Variants in PLCG2 observed in about 807,000 individuals in gnomAD.
PLCG2 encodes the protein phospholipase C gamma 2.
In PLCG2, 69 loss-of-function variants were observed where a neutral mutation model predicts 175.6. That is an observed-to-expected ratio of 0.39 (90% confidence interval 0.32 to 0.48). The LOEUF is 0.48. PLCG2 is among the 20% of genes least tolerant of loss of function. PLCG2 has a pLI of 0.91. For synonymous variants in PLCG2, 827 were observed against 624.0 expected (o/e 1.33, Z -4.85); for missense variants, 1,798 against 1,650.9 (o/e 1.09, Z -1.54).
Position 81,946,212 on chromosome 16 carries a change from G to A in PLCG2, c.3519G>A (p.Glu1173=). The A allele has an allele frequency of 6.2e-7, 1 of 1,613,984 alleles. No homozygotes were observed. Among genetic ancestry groups the A allele is most frequent in the Non-Finnish European group, 8.5e-7 (1 of 1,179,848 alleles). ...RSVPLKNGYS[E]DIELASLLVF... ...TTCCTCTGAAGAATGGGTACAGCGA[G>A]GACATAGAGCTGGCTTCCCTCCTGG... Residue 1173 remains glutamate, a synonymous_variant, in exon 31 of 33, where the codon GAG becomes GAA. Coordinates refer to ENST00000564138, the MANE Select transcript of PLCG2 (RefSeq NM_002661.5).
At position 81,858,255 on chromosome 16, in the gene PLCG2, C is replaced by T; in HGVS notation, c.338-8C>T. On this transcript the variant is annotated splice_polypyrimidine_tract_variant and splice_region_variant and intron_variant, in intron 3 of 32. Coordinates refer to ENST00000564138, the MANE Select transcript of PLCG2 (RefSeq NM_002661.5). ...ACACAGCATTTCTGTTCCCTTTCTC[C>T]ACTCCAGCTGACTCTAAAGAGGATG... The T allele has an allele frequency of 6.3e-7, 1 of 1,597,760 alleles. No homozygotes were observed. The highest frequency in any genetic ancestry group is 8.6e-7 in the Non-Finnish European group (1 of 1,165,096).
intron 13 of PLCG2, among the ~76,000 whole-genome samples, chr16:81,896,513 G>C (rs1908898017): frequency 6.6e-6 from 1 of 152,066 alleles, no homozygotes; most frequent in Non-Finnish European, 1.5e-5. Context: ...GGCAGGCAGA[G>C]GTTACAGTGA....
chr16:81,755,463 C>T (rs1392996509), intron 1 of PLCG2, among the ~76,000 whole-genome samples: 3 of 151,770 alleles, frequency 2.0e-5, no homozygotes, highest in Non-Finnish European at 4.4e-5. Flanking sequence ...ACCTCGGCCT[C>T]CCAAAGTGCT....
At chr16:81,833,881 G>A (rs1373861619) in intron 2 of PLCG2, among the ~76,000 whole-genome samples, 3 of 152,152 alleles carry the variant, frequency 2.0e-5, no homozygotes, top group Admixed American at 6.6e-5. Flanking sequence ...TGCCTTTGGC[G>A]ATGGGAGTGC....
intron 2 of PLCG2, among the ~76,000 whole-genome samples, chr16:81,818,532 A>G (rs1904651708): frequency 6.6e-6 from 1 of 152,058 alleles, no homozygotes; most frequent in Non-Finnish European, 1.5e-5. Flanking sequence ...CATCGGCTGC[A>G]CGGAAATGGA....
intron 31 of PLCG2, among the ~76,000 whole-genome samples, chr16:81,955,142 C>T (rs1911517564): frequency 6.6e-6 from 1 of 152,222 alleles, no homozygotes; most frequent in African/African-American, 2.4e-5. Context: ...CCTCTGCTTA[C>T]TCTTCAACCT....
intron 2 of PLCG2, among the ~76,000 whole-genome samples, chr16:81,759,411 A>G (rs1289276828): frequency 6.6e-6 from 1 of 152,202 alleles, no homozygotes; most frequent in African/African-American, 2.4e-5. Context: ...AAATATATTT[A>G]CTTATGTTAT....
intron 5 of PLCG2, among the ~76,000 whole-genome samples, chr16:81,866,798 C>T (rs1198474441): frequency 6.6e-6 from 1 of 152,242 alleles, no homozygotes; most frequent in Non-Finnish European, 1.5e-5. Context: ...TGGCTCCTCT[C>T]CCCACGACCC....
intron 2 of PLCG2, among the ~76,000 whole-genome samples, chr16:81,839,139 G>A (rs1196270752): frequency 6.6e-6 from 1 of 152,036 alleles, no homozygotes; most frequent in Non-Finnish European, 1.5e-5. Context: ...GAGTGTTACT[G>A]GTTTTCTTTT....
intron 27 of PLCG2, 86 bp from the exon 28 acceptor site, chr16:81,937,672 A>C: frequency 8.4e-7 from 1 of 1,184,970 alleles, no homozygotes; most frequent in East Asian, 2.4e-5. Flanking sequence ...GAAAAGGTGA[A>C]ATTCATTCCC....
chr16:81,776,775 G>C (rs1011165763), upstream of PLCG2, among the ~76,000 whole-genome samples: 3 of 152,010 alleles, frequency 2.0e-5, no homozygotes, highest in African/African-American at 7.2e-5. Flanking sequence ...GGATAGTCGT[G>C]AACTCCTGAT....
chr16:81,876,687 G>A (rs1456464028), intron 7 of PLCG2, among the ~76,000 whole-genome samples: 1 of 152,204 alleles, frequency 6.6e-6, no homozygotes, highest in African/African-American at 2.4e-5. Flanking sequence ...CAATACAGCT[G>A]TTTCTCCTGA....
chr16:81,920,353 G>A (rs184418378), intron 20 of PLCG2, among the ~76,000 whole-genome samples: 2 of 152,192 alleles, frequency 1.3e-5, no homozygotes, highest in African/African-American at 4.8e-5. Context: ...TAGATACTAG[G>A]AGTACTGTGG....
chr16:81,808,648 C>T (rs1342346849), intron 2 of PLCG2, among the ~76,000 whole-genome samples: 1 of 152,122 alleles, frequency 6.6e-6, no homozygotes, highest in African/African-American at 2.4e-5. Context: ...TGCCCGCCAC[C>T]ACGCCTGGCT....
chr16:81,818,435 A>T (rs1005636477), intron 2 of PLCG2, among the ~76,000 whole-genome samples: 1 of 152,208 alleles, frequency 6.6e-6, no homozygotes, highest in African/African-American at 2.4e-5. Flanking sequence ...TGTGTCATGC[A>T]TGATGACTAG....
Position 81,919,641 on chromosome 16 carries a change from G to A in PLCG2, c.2212G>A (p.Glu738Lys), listed in dbSNP as rs1909981531. Reference sequence around the variant, plus strand: ...GAGACTGCGCTACCCCGTGACCCCCGAGCTCCTGGAGCGCTACAATATGGT... The same window carrying A: ...GAGACTGCGCTACCCCGTGACCCCCAAGCTCCTGGAGCGCTACAATATGGT... ...KMRLRYPVTP[E>K]LLERYNMERD... Residue 738 changes from glutamate (E) to lysine (K), a missense_variant, in exon 20 of 33, where the codon GAG becomes AAG. Physicochemically the swap from Glu to Lys is moderately conservative, Grantham distance 56. Transcript: ENST00000564138. 8 of 1,613,758 alleles carry A rather than the reference G, an allele frequency of 5.0e-6. No individual in the cohort carries two copies. Among genetic ancestry groups the A allele is most frequent in the South Asian group, 2.2e-5 (2 of 91,074 alleles).
chr16:81,944,869 C>T (rs184673217), intron 30 of PLCG2, among the ~76,000 whole-genome samples: 1 of 152,124 alleles, frequency 6.6e-6, no homozygotes, highest in Non-Finnish European at 1.5e-5. Context: ...CAAGGGCCAA[C>T]TGTAGAGTAA....
At chr16:81,770,544 C>A (rs1372102566) in intron 2 of PLCG2, among the ~76,000 whole-genome samples, 2 of 152,008 alleles carry the variant, frequency 1.3e-5, no homozygotes, top group Middle Eastern at 3.2e-3. Context: ...GAAACCTTGT[C>A]TCTATAAATA....
chr16:81,900,890 C>A (rs1180544559), intron 14 of PLCG2, 110 bp downstream of exon 14: 3 of 930,194 alleles, frequency 3.2e-6, no homozygotes, highest in African/African-American at 1.7e-5. Context: ...TGCTCCAGGT[C>A]CCACTGCACA....
Sources: gnomAD v4.1 joint callset for allele counts (sites outside exome capture counted in the v4.1 genomes callset) on GRCh38, gnomAD v4.1.1 for gene constraint, MANE v1.5 for transcripts, NCBI Gene and HGNC (gene_info 2026-07-23, HGNC 2026-07-21) for gene names.